The following PTPN12 variants were observed in gnomAD, a reference collection of about 807,000 sequenced individuals.
PTPN12 encodes tyrosine-protein phosphatase non-receptor type 12.
In PTPN12, 29 loss-of-function variants were observed where a neutral mutation model predicts 97.6. That is an observed-to-expected ratio of 0.30 (90% CI 0.22 to 0.41). PTPN12 has a LOEUF of 0.41. Among genes scored for constraint, PTPN12 ranks in the 10% least tolerant of loss-of-function variants. The pLI, the probability that PTPN12 is intolerant of heterozygous loss-of-function variation, is 1.00. For synonymous variants in PTPN12, 327 were observed against 300.4 expected (o/e 1.09, Z -0.91); for missense variants, 819 against 926.0 (o/e 0.88, Z 1.50).
At chr7:77,572,139 G>A (rs929145946) in intron 2 of PTPN12, among the ~76,000 whole-genome samples, 2 of 149,792 alleles carry the variant, frequency 1.3e-5, no homozygotes, top group Non-Finnish European at 1.5e-5. Context: ...CTGTAGCCCA[G>A]GCTGGAGTGC....
intron 15 of PTPN12, among the ~76,000 whole-genome samples, chr7:77,636,531 A>G (rs1471967825): frequency 6.6e-6 from 1 of 152,154 alleles, no homozygotes; most frequent in Non-Finnish European, 1.5e-5. Context: ...GCAGTGAGCC[A>G]TGATCACACC....
Position 77,611,066 on chromosome 7 carries a change from T to C in PTPN12, c.939+20T>C, listed in dbSNP as rs201441114. On this transcript the variant is annotated intron_variant, in intron 11 of 17. Transcript: ENST00000248594. ...GGAGTGGTAGGTGTTCTTGGTCTAT[T>C]AATTTTAGGAAACTTTTACTCTTTG... The C allele has an allele frequency of 5.1e-6, 8 of 1,557,004 alleles. No individual in the cohort carries two copies. In the Admixed American group the frequency reaches 1.5e-4, roughly 28 times the overall value.
chr7:77,553,859 T>TC (rs1807582873), intron 1 of PTPN12, among the ~76,000 whole-genome samples: 1 of 152,050 alleles, frequency 6.6e-6, no homozygotes, highest in Non-Finnish European at 1.5e-5. Flanking sequence ...CTATTTTTTT[T>TC]TTTGTCTTCC....
chr7:77,576,627 G>A (rs969631445), intron 2 of PTPN12, among the ~76,000 whole-genome samples: 1 of 152,120 alleles, frequency 6.6e-6, no homozygotes, highest in East Asian at 1.9e-4. Flanking sequence ...AACCTGGGAG[G>A]CAGAGGTTGC....
At chr7:77,553,455 A>G (rs1584098579) in intron 1 of PTPN12, among the ~76,000 whole-genome samples, 2 of 152,306 alleles carry the variant, frequency 1.3e-5, no homozygotes, top group Admixed American at 6.5e-5. Flanking sequence ...TTTGGCTCAC[A>G]TATTTTTATG....
In PTPN12 at chr7:77,583,600, G is replaced by A. The variant is rs556682757; in HGVS notation, c.331G>A (p.Ala111Thr). 10 of 1,611,672 alleles carry A rather than the reference G, an allele frequency of 6.2e-6. No homozygotes were observed. The highest frequency in any genetic ancestry group is 8.5e-6 in the Non-Finnish European group (10 of 1,178,992). The change falls in exon 4 of 18, where the codon GCA (alanine) becomes ACA (threonine). Residue 111 changes from alanine to threonine, a missense_variant. By Grantham distance (58) the Ala-to-Thr change is moderately conservative (BLOSUM62 0). Coordinates refer to ENST00000248594, the MANE Select transcript of PTPN12 (RefSeq NM_002835.4). Reference sequence around the variant, plus strand: ...ATATGTAGCAACTCAAGGACCTTTAGCAAATACAGTAATAGATTTTTGGAG... The same window carrying A: ...ATATGTAGCAACTCAAGGACCTTTAACAAATACAGTAATAGATTTTTGGAG... The part of the protein sequence containing the change: ...KAYVATQGPL[A>T]NTVIDFWRMI...
At chr7:77,600,598 T>C (rs936202863) in intron 7 of PTPN12, 66 bp from the exon 8 acceptor site, 7 of 1,341,920 alleles carry the variant, frequency 5.2e-6, no homozygotes, top group Admixed American at 5.8e-5. Flanking sequence ...GCAGTTTAAA[T>C]GAGCTGTGCA....
At chr7:77,610,557 A>ATAG (rs1788536537) in intron 9 of PTPN12, among the ~76,000 whole-genome samples, 1 of 152,220 alleles carries the variant, frequency 6.6e-6, no homozygotes, top group Non-Finnish European at 1.5e-5. Context: ...TTGGCTGGAC[A>ATAG]TAACTGTCTC....
At chr7:77,576,829 G>T (rs1787359048) in intron 2 of PTPN12, among the ~76,000 whole-genome samples, 1 of 152,228 alleles carries the variant, frequency 6.6e-6, no homozygotes, top group Non-Finnish European at 1.5e-5. Context: ...TCTCCCTAAG[G>T]TGTCACAGGA....
chr7:77,638,261 C>T (rs1789677547), intron 16 of PTPN12, among the ~76,000 whole-genome samples: 1 of 151,978 alleles, frequency 6.6e-6, no homozygotes, highest in Admixed American at 6.6e-5. Flanking sequence ...CCTGGCCTGA[C>T]CTTGTTGATT....
chr7:77,625,351 A>G (rs1383328570), intron 12 of PTPN12, among the ~76,000 whole-genome samples: 3 of 150,660 alleles, frequency 2.0e-5, no homozygotes, highest in African/African-American at 7.3e-5. Flanking sequence ...CCCCAGGCTC[A>G]GGTGATCCTC....
At chr7:77,584,628 A>T (rs1787627543) in intron 4 of PTPN12, among the ~76,000 whole-genome samples, 1 of 152,200 alleles carries the variant, frequency 6.6e-6, no homozygotes, top group Non-Finnish European at 1.5e-5. Context: ...CTGTAATCCC[A>T]GCACTTTGGG....
intron 1 of PTPN12, among the ~76,000 whole-genome samples, chr7:77,557,119 A>G (rs888615977): frequency 1.3e-5 from 2 of 152,068 alleles, no homozygotes; most frequent in African/African-American, 4.8e-5. Context: ...GATGTATGCA[A>G]CCACACTTAT....
chr7:77,555,953 C>G (rs1807692162), intron 1 of PTPN12, among the ~76,000 whole-genome samples: 1 of 151,822 alleles, frequency 6.6e-6, no homozygotes, highest in African/African-American at 2.4e-5. Context: ...TTGGTTATTT[C>G]TTTGAATTTC....
chr7:77,610,442 C>T (rs1049877273), intron 9 of PTPN12, among the ~76,000 whole-genome samples: 1 of 152,196 alleles, frequency 6.6e-6, no homozygotes, highest in Non-Finnish European at 1.5e-5. Flanking sequence ...ATATTTCCTT[C>T]ACTTTTTATG....
At chr7:77,566,419 CTT>C (rs939674827) in intron 1 of PTPN12, among the ~76,000 whole-genome samples, 2 of 152,006 alleles carry the variant, frequency 1.3e-5, no homozygotes, top group African/African-American at 4.8e-5. Flanking sequence ...ATTTATGTGA[CTT>C]TTTAAAGACT....
At chr7:77,625,488 T>G (rs1437083298) in intron 12 of PTPN12, among the ~76,000 whole-genome samples, 5 of 96,794 alleles carry the variant, frequency 5.2e-5, no homozygotes, top group African/African-American at 2.1e-4. Flanking sequence ...TCTCTCTCTC[T>G]CTCTCTCTCT....
At chr7:77,636,068 A>G (rs964224404) in intron 15 of PTPN12, among the ~76,000 whole-genome samples, 2 of 152,160 alleles carry the variant, frequency 1.3e-5, no homozygotes, top group Non-Finnish European at 2.9e-5. Flanking sequence ...TACAACTATC[A>G]CTTTAAAGTA....
rs919019254 is a variant in PTPN12 at position 77,639,954 on chromosome 7, A to T, written c.*674A>T. 2 of 152,506 alleles carry T rather than the reference A, an allele frequency of 1.3e-5. No homozygotes were observed. Among genetic ancestry groups the T allele is most frequent in the Non-Finnish European group, 2.9e-5 (2 of 68,016 alleles). 9.4% of individuals were successfully genotyped at this position (152,506 alleles called of 1,614,324 possible). A position where few individuals can be genotyped will look rare whatever the true frequency, so the allele number is the denominator to read the frequency against. On this transcript the variant is annotated 3_prime_UTR_variant, in exon 18 of 18. Coordinates refer to ENST00000248594, the MANE Select transcript of PTPN12 (RefSeq NM_002835.4). ...CCTTGGAACAATATTGAATTCTCTT[A>T]GCTTGTGTGTGTTTCTTTAATATTT... is the stretch of plus-strand genomic sequence containing the variant.
Sources: gnomAD v4.1 joint callset for allele counts (sites outside exome capture counted in the v4.1 genomes callset) on GRCh38, gnomAD v4.1.1 for gene constraint, MANE v1.5 for transcripts, NCBI Gene and HGNC (gene_info 2026-07-23, HGNC 2026-07-21) for gene names.